DOCK2: variants seen among roughly 807,000 people sequenced by gnomAD.
The protein encoded by DOCK2 is dedicator of cytokinesis protein 2.
A neutral mutation model predicts 248.9 loss-of-function variants in DOCK2; 87 were observed. The ratio of observed to expected loss-of-function variants is 0.35; its 90% CI spans 0.29 to 0.42. DOCK2 has a LOEUF of 0.42. Ranked by LOEUF, DOCK2 falls within the 10% of genes least tolerant of loss-of-function variation. The pLI is 1.00. For synonymous variants in DOCK2, 805 were observed against 821.6 expected (o/e 0.98, Z 0.35); for missense variants, 1,747 against 2,300.2 (o/e 0.76, Z 4.92).
intron 25 of DOCK2, among the ~76,000 whole-genome samples, chr5:169,781,648 A>G (rs1765719990): frequency 6.6e-6 from 1 of 152,208 alleles, no homozygotes; most frequent in African/African-American, 2.4e-5. Context: ...GGATGTACCC[A>G]GATTAGGGTA....
chr5:169,838,630 T>C (rs1324528725), intron 26 of DOCK2, among the ~76,000 whole-genome samples: 2 of 152,116 alleles, frequency 1.3e-5, no homozygotes, highest in African/African-American at 4.8e-5. Flanking sequence ...GCCTTGAGTG[T>C]CAGGAGTAGA....
At chr5:169,830,985 T>G (rs961072408) in intron 26 of DOCK2, among the ~76,000 whole-genome samples, 1 of 152,188 alleles carries the variant, frequency 6.6e-6, no homozygotes, top group Non-Finnish European at 1.5e-5. Flanking sequence ...CTCAGTCCCC[T>G]GTGGACATGA....
chr5:169,707,760 T>G (rs1761355764), intron 14 of DOCK2, among the ~76,000 whole-genome samples: 1 of 152,202 alleles, frequency 6.6e-6, no homozygotes, highest in South Asian at 2.1e-4. Flanking sequence ...CTGTAGAAAT[T>G]CATCGCAAAG....
chr5:169,887,930 C>T (rs1773065240), intron 27 of DOCK2, among the ~76,000 whole-genome samples: 1 of 152,040 alleles, frequency 6.6e-6, no homozygotes, highest in Non-Finnish European at 1.5e-5. Flanking sequence ...TAATCATTGC[C>T]AATAAAGTAG....
chr5:170,067,337 C>G (rs1757528047), intron 44 of DOCK2, among the ~76,000 whole-genome samples, 173 bp from the exon 45 acceptor site: 1 of 152,142 alleles, frequency 6.6e-6, no homozygotes, highest in Non-Finnish European at 1.5e-5. Flanking sequence ...GCCTGTCTCT[C>G]CCCAGAGAGC....
At chr5:170,034,159 T>C (rs988065033) in intron 34 of DOCK2, among the ~76,000 whole-genome samples, 18 of 152,156 alleles carry the variant, frequency 1.2e-4, no homozygotes, top group African/African-American at 4.1e-4. Context: ...AAAGTGACCA[T>C]CTCCCCCACC....
chr5:169,924,942 C>T (rs1775357880), intron 27 of DOCK2, among the ~76,000 whole-genome samples: 1 of 152,194 alleles, frequency 6.6e-6, no homozygotes, highest in Admixed American at 6.5e-5. Flanking sequence ...GGCACAATTG[C>T]TTCTCCCAGT....
At chr5:169,679,958 C>T (rs551148174) in intron 6 of DOCK2, among the ~76,000 whole-genome samples, 1 of 152,206 alleles carries the variant, frequency 6.6e-6, no homozygotes, top group East Asian at 1.9e-4. Flanking sequence ...TCTCAGAATC[C>T]ATCAGCCCCA....
At chr5:169,824,009 T>C (rs1443970845) in intron 26 of DOCK2, among the ~76,000 whole-genome samples, 1 of 152,176 alleles carries the variant, frequency 6.6e-6, no homozygotes, top group East Asian at 1.9e-4. Context: ...CATGAGTGAA[T>C]TCTCTTTCAT....
intron 32 of DOCK2, among the ~76,000 whole-genome samples, chr5:170,011,363 C>G (rs1755285501): frequency 6.6e-6 from 1 of 152,192 alleles, no homozygotes; most frequent in South Asian, 2.1e-4. Flanking sequence ...GAGGCAGAAA[C>G]TGGTCAAGCA....
chr5:169,705,384 C>T (rs888350441), intron 14 of DOCK2, among the ~76,000 whole-genome samples: 1 of 152,032 alleles, frequency 6.6e-6, no homozygotes, highest in Non-Finnish European at 1.5e-5. Flanking sequence ...CTGAGACCAC[C>T]CAACTTGAGG....
At chr5:169,749,043 G>T (rs1248633829) in intron 23 of DOCK2, among the ~76,000 whole-genome samples, 1 of 152,248 alleles carries the variant, frequency 6.6e-6, no homozygotes, top group Non-Finnish European at 1.5e-5. Flanking sequence ...AAGAGTCCTT[G>T]TGTGGGATTT....
chr5:169,799,597 G>A (rs1022800062), intron 25 of DOCK2, among the ~76,000 whole-genome samples: 2 of 152,154 alleles, frequency 1.3e-5, no homozygotes, highest in African/African-American at 4.8e-5. Flanking sequence ...AATGAATATT[G>A]TAAGACATTT....
At chr5:169,668,167 C>T (rs1272833972) in intron 2 of DOCK2, among the ~76,000 whole-genome samples, 1 of 152,228 alleles carries the variant, frequency 6.6e-6, no homozygotes, top group Non-Finnish European at 1.5e-5. Context: ...ACCGTTCCTA[C>T]TTCATGCGGT....
chr5:169,820,207 G>T (rs566377391), intron 26 of DOCK2, among the ~76,000 whole-genome samples: 1 of 152,232 alleles, frequency 6.6e-6, no homozygotes, highest in South Asian at 2.1e-4. Context: ...AGGCATAGCC[G>T]AACAAAAGGC....
At chr5:169,738,150 T>A (rs141314737) in intron 22 of DOCK2, among the ~76,000 whole-genome samples, 2 of 152,334 alleles carry the variant, frequency 1.3e-5, no homozygotes, top group African/African-American at 2.4e-5. Flanking sequence ...TTGTTACAGA[T>A]GTCTTCTGTG....
intron 44 of DOCK2, among the ~76,000 whole-genome samples, chr5:170,065,737 G>A (rs1198096204): frequency 6.6e-6 from 1 of 152,150 alleles, no homozygotes; most frequent in African/African-American, 2.4e-5. Flanking sequence ...CACAAGAACA[G>A]CATGGGAAAG....
At chr5:169,961,264 A>T (rs1444125159) in intron 27 of DOCK2, among the ~76,000 whole-genome samples, 1 of 152,236 alleles carries the variant, frequency 6.6e-6, no homozygotes, top group African/African-American at 2.4e-5. Context: ...AAATGCTGTC[A>T]GAGTTCTGGT....
chr5:169,780,688 A>G (rs1765665267), intron 25 of DOCK2, among the ~76,000 whole-genome samples: 1 of 152,182 alleles, frequency 6.6e-6, no homozygotes, highest in Admixed American at 6.5e-5. Flanking sequence ...TTTGAAGGTG[A>G]AAGGACCAGT....
Sources: allele counts gnomAD v4.1 joint callset (sites outside exome capture counted in the v4.1 genomes callset), GRCh38; gene constraint gnomAD v4.1.1; transcripts MANE v1.5; gene names NCBI Gene and HGNC (gene_info 2026-07-23, HGNC 2026-07-21).